The following AGBL4 variants were observed in gnomAD, a reference collection of about 807,000 sequenced individuals.
AGBL4 encodes the protein cytosolic carboxypeptidase 6.
Under a neutral mutation model 66.4 loss-of-function variants are expected in AGBL4, and 58 were observed. The ratio of observed to expected loss-of-function variants is 0.87; its 90% CI spans 0.71 to 1.09. The LOEUF is 1.09. AGBL4 is among the 50% of genes least tolerant of loss of function. The pLI is 0.00. For synonymous variants in AGBL4, 234 were observed against 222.9 expected (o/e 1.05, Z -0.44); for missense variants, 579 against 631.0 (o/e 0.92, Z 0.88).
At chr1:48,916,535 TTG>T (rs911220295) in intron 5 of AGBL4, among the ~76,000 whole-genome samples, 1 of 150,886 alleles carries the variant, frequency 6.6e-6, no homozygotes, top group African/African-American at 2.4e-5. Context: ...GTTCCGTTTT[TTG>T]TGTGTGTGTG....
intron 3 of AGBL4, among the ~76,000 whole-genome samples, chr1:49,614,193 G>A (rs996650657): frequency 6.6e-6 from 1 of 152,144 alleles, no homozygotes; most frequent in South Asian, 2.1e-4. Flanking sequence ...AAACAGCACT[G>A]CAGAGGCCTC....
chr1:49,171,858 C>T (rs192554493), intron 4 of AGBL4, among the ~76,000 whole-genome samples: 46 of 152,216 alleles, frequency 3.0e-4, no homozygotes, highest in Non-Finnish European at 5.3e-4. Flanking sequence ...TGTTGATATA[C>T]CATGGGCAGA....
At chr1:48,595,636 A>G (rs1644983462) in intron 9 of AGBL4, among the ~76,000 whole-genome samples, 1 of 152,234 alleles carries the variant, frequency 6.6e-6, no homozygotes, top group South Asian at 2.1e-4. Flanking sequence ...TCTTGCAATC[A>G]GGGGCCTAAA....
intron 4 of AGBL4, among the ~76,000 whole-genome samples, chr1:49,106,726 T>C (rs1174370906): frequency 6.6e-6 from 1 of 152,170 alleles, no homozygotes; most frequent in East Asian, 1.9e-4. Flanking sequence ...ACTGCTAAGG[T>C]TCCCCAAGGA....
chr1:49,009,962 C>T (rs1662251017), intron 5 of AGBL4, among the ~76,000 whole-genome samples: 4 of 151,966 alleles, frequency 2.6e-5, no homozygotes, highest in African/African-American at 9.7e-5. Context: ...CCTTTGAAAA[C>T]TGGCACAAGA....
intron 11 of AGBL4, among the ~76,000 whole-genome samples, chr1:48,581,625 C>T (rs1644741794): frequency 6.6e-6 from 1 of 152,138 alleles, no homozygotes; most frequent in South Asian, 2.1e-4. Flanking sequence ...ATAGGGTTTC[C>T]TGAAGAATGG....
At chr1:48,555,304 CA>C (rs1048114761) in intron 11 of AGBL4, among the ~76,000 whole-genome samples, 1 of 151,922 alleles carries the variant, frequency 6.6e-6, no homozygotes. Flanking sequence ...CATACAACGA[CA>C]AACTCTTATA....
the AGBL4 span, among the ~76,000 whole-genome samples, chr1:48,527,712 A>T: frequency 2.0e-5 from 3 of 152,178 alleles, no homozygotes; most frequent in South Asian, 6.2e-4. Context: ...GGGACACATG[A>T]GCTAAGTCTT....
At chr1:49,282,825 C>T (rs529065312) in intron 3 of AGBL4, among the ~76,000 whole-genome samples, 211 of 152,310 alleles carry the variant, frequency 1.4e-3, no homozygotes, top group African/African-American at 1.4e-3. Context: ...GCTTAAAAAA[C>T]GGCGCACCAA....
At chr1:49,921,391 T>G (rs1024533709) in intron 1 of AGBL4, among the ~76,000 whole-genome samples, 6 of 152,132 alleles carry the variant, frequency 3.9e-5, no homozygotes, top group African/African-American at 1.4e-4. Context: ...TATTCATAAT[T>G]TTAAATTTTA....
At chr1:49,579,358 A>T (rs1168479239) in intron 3 of AGBL4, among the ~76,000 whole-genome samples, 4 of 152,104 alleles carry the variant, frequency 2.6e-5, no homozygotes, top group African/African-American at 9.7e-5. Flanking sequence ...TCCTCTTGTT[A>T]TTCCACTGTG....
At chr1:49,430,218 C>G (rs1645756415) in intron 3 of AGBL4, among the ~76,000 whole-genome samples, 1 of 152,070 alleles carries the variant, frequency 6.6e-6, no homozygotes, top group South Asian at 2.1e-4. Context: ...TTGAAATGCC[C>G]TTCCTATTAG....
chr1:49,214,880 G>A (rs2148263530), intron 4 of AGBL4, among the ~76,000 whole-genome samples: 1 of 152,250 alleles, frequency 6.6e-6, no homozygotes, highest in South Asian at 2.1e-4. Context: ...TGAAAGTTGG[G>A]AAAAGCAATT....
chr1:48,526,808 G>C, the AGBL4 span, among the ~76,000 whole-genome samples: 1 of 152,138 alleles, frequency 6.6e-6, no homozygotes, highest in Admixed American at 6.5e-5. Context: ...GATGTTTATT[G>C]TTATAGAAAA....
intron 1 of AGBL4, among the ~76,000 whole-genome samples, chr1:49,981,406 G>T (rs552100290): frequency 2.0e-5 from 3 of 152,240 alleles, no homozygotes; most frequent in African/African-American, 7.2e-5. Flanking sequence ...CTTAAAGTGT[G>T]TATGTACCAT....
Position 48,807,092 on chromosome 1 carries a change from C to G in AGBL4, c.634+60099G>C, listed in dbSNP as rs561286069. Among the ~76,000 whole-genome samples, 4 of 152,218 alleles carry G rather than the reference C, an allele frequency of 2.6e-5. No individual in the cohort carries two copies. The South Asian group carries it at 8.3e-4, about 32-fold the overall frequency. On this transcript the variant is annotated intron_variant, in intron 6 of 13. Transcript: ENST00000371839. ...AAGATTCACTCAGATGTTACCTCCT[C>G]TAGGAAGCATTCTGTGATATGCTTT...
At chr1:48,642,450 A>G (rs1327390356) in intron 8 of AGBL4, among the ~76,000 whole-genome samples, 1 of 152,096 alleles carries the variant, frequency 6.6e-6, no homozygotes, top group Non-Finnish European at 1.5e-5. Context: ...CTTGGCAGCA[A>G]CAAACACTGG....
intron 2 of AGBL4, among the ~76,000 whole-genome samples, chr1:49,715,355 C>T (rs1195445194): frequency 7.2e-5 from 11 of 152,236 alleles, no homozygotes; most frequent in Admixed American, 7.2e-4. Flanking sequence ...TTTCTTTATC[C>T]AGTCTATCAT....
At chr1:49,639,493 A>T (rs1238233831) in intron 3 of AGBL4, among the ~76,000 whole-genome samples, 2 of 152,332 alleles carry the variant, frequency 1.3e-5, no homozygotes. Flanking sequence ...ACAAATAAGG[A>T]ACACAGAATT....
Sources: allele counts gnomAD v4.1 joint callset (sites outside exome capture counted in the v4.1 genomes callset), GRCh38; gene constraint gnomAD v4.1.1; transcripts MANE v1.5; gene names NCBI Gene and HGNC (gene_info 2026-07-23, HGNC 2026-07-21).